The following BRAF variants were observed in gnomAD, a reference collection of about 807,000 sequenced individuals.
BRAF encodes the protein serine/threonine-protein kinase B-raf.
Under a neutral mutation model 104.6 loss-of-function variants are expected in BRAF, and 16 were observed. That is an observed-to-expected ratio of 0.15 (90% CI 0.10 to 0.23). BRAF has a LOEUF of 0.23. BRAF is among the 10% of genes least tolerant of loss of function. The pLI, the probability that BRAF is intolerant of heterozygous loss-of-function variation, is 1.00. For missense variants in BRAF, 541 were observed against 937.3 expected (o/e 0.58, Z 5.52); for synonymous variants, 310 against 341.6 (o/e 0.91, Z 1.02).
rs189135734 is a variant in BRAF at position 140,805,523 on chromosome 7, A to G, written c.711+2437T>C. Among the ~76,000 whole-genome samples, 16 of 152,258 alleles carry G rather than the reference A, an allele frequency of 1.1e-4. No homozygotes were observed. In the South Asian group the frequency reaches 1.4e-3, roughly 14 times the overall value. ...TGTCAATAAAGATGAGCACAGGAAG[A>G]TATATCTTTCTTTTGGGTCACAGCT... is the stretch of plus-strand genomic sequence containing the variant. On this transcript the variant is annotated intron_variant, in intron 5 of 19. Transcript: ENST00000644969.
intron 17 of BRAF, among the ~76,000 whole-genome samples, chr7:140,742,538 A>G (rs1198602121): frequency 6.6e-6 from 1 of 152,180 alleles, no homozygotes; most frequent in African/African-American, 2.4e-5. Context: ...CTATCAACTT[A>G]CTGGTATCCC....
intron 5 of BRAF, among the ~76,000 whole-genome samples, chr7:140,804,434 C>T (rs1438172295): frequency 6.6e-6 from 1 of 150,658 alleles, no homozygotes; most frequent in Non-Finnish European, 1.5e-5. Flanking sequence ...CTTTTAATTA[C>T]ATGATTGTAA....
chr7:140,769,828 GTCT>G (rs1232788657), intron 14 of BRAF, among the ~76,000 whole-genome samples: 2 of 152,118 alleles, frequency 1.3e-5, no homozygotes, highest in African/African-American at 2.4e-5. Context: ...TATTACCCTA[GTCT>G]TCCAAAGTGC....
At chr7:140,864,877 C>T (rs1469949898) in intron 1 of BRAF, among the ~76,000 whole-genome samples, 1 of 151,978 alleles carries the variant, frequency 6.6e-6, no homozygotes, top group African/African-American at 2.4e-5. Flanking sequence ...ATCTGAGTCA[C>T]AAGTAGAGAA....
rs10525418 is a variant in BRAF, at chr7:140,798,272, C to CTTTTTTTTTTTTTTTTTTTT, written c.980+2089_980+2090insAAAAAAAAAAAAAAAAAAAA. 4.3e-5 allele frequency among the ~76,000 whole-genome samples: 5 copies of CTTTTTTTTTTTTTTTTTTTT among 115,622 alleles called. 1 individual carries two copies. Among genetic ancestry groups the CTTTTTTTTTTTTTTTTTTTT allele is most frequent in the South Asian group, 2.6e-4 (1 of 3,914 alleles). The allele number at this position is 115,622 out of a possible 152,430, so 75.9% of individuals were successfully genotyped here. A position where few individuals can be genotyped will look rare whatever the true frequency, so the allele number is the denominator to read the frequency against. The stretch of plus-strand genomic sequence containing the variant: ...AATGCTGTATGGGGACTTTTTTTTT[C>CTTTTTTTTTTTTTTTTTTTT]TTTTTTTTGAGACGGAGTCTTGCTC... On this transcript the variant is annotated intron_variant, in intron 7 of 19. Transcript: ENST00000644969.
Position 140,723,987 on chromosome 7 carries a change from A to C in BRAF, c.*2507T>G. 3 of 1,042,016 alleles carry C rather than the reference A, an allele frequency of 2.9e-6. No homozygotes were observed. Among genetic ancestry groups the C allele is most frequent in the Non-Finnish European group, 3.5e-6 (3 of 864,380 alleles). 64.5% of individuals were successfully genotyped at this position (1,042,016 alleles called of 1,614,324 possible). ...AACCTATTTCATAGAAAAAGGAAGA[A>C]AAGAGAGGTTTAAATATTTTATTTT... is the stretch of plus-strand genomic sequence containing the variant. On this transcript the variant is annotated 3_prime_UTR_variant, in exon 20 of 20. Transcript: ENST00000644969.
At chr7:140,760,289 T>C (rs959954568) in intron 14 of BRAF, among the ~76,000 whole-genome samples, 2 of 152,086 alleles carry the variant, frequency 1.3e-5, no homozygotes, top group African/African-American at 4.8e-5. Flanking sequence ...GGTGTGCACC[T>C]GTAATCCCAG....
At chr7:140,866,273 T>C (rs912434637) in intron 1 of BRAF, among the ~76,000 whole-genome samples, 6 of 152,226 alleles carry the variant, frequency 3.9e-5, no homozygotes, top group Non-Finnish European at 8.8e-5. Flanking sequence ...GTACAACTCC[T>C]GGTCATAACT....
Position 140,729,245 on chromosome 7 carries a change from TACAC to T in BRAF, c.2402-2733_2402-2730del, listed in dbSNP as rs574079438. On this transcript the variant is annotated intron_variant, in intron 19 of 19. Transcript: ENST00000644969. ...ACCCTGTCTCGAAAACAAAACAAAA[TACAC>T]ACACACACGCACACAACTTCAGATG... Among the ~76,000 whole-genome samples, 553 of 151,236 alleles carry T rather than the reference TACAC, an allele frequency of 3.7e-3. 5 individuals are homozygous for T. The highest frequency in any genetic ancestry group is 0.013 in the African/African-American group (523 of 41,270).
At chr7:140,862,704 C>T (rs185171046) in intron 1 of BRAF, among the ~76,000 whole-genome samples, 33 of 151,988 alleles carry the variant, frequency 2.2e-4, no homozygotes, top group Middle Eastern at 3.4e-3. Context: ...TGACTTAAGG[C>T]TGGGGGGTGG....
chr7:140,787,470 G>A (rs1252013161), intron 9 of BRAF, 78 bp downstream of exon 9: 4 of 1,432,382 alleles, frequency 2.8e-6, no homozygotes, highest in Non-Finnish European at 3.9e-6. Flanking sequence ...ACTTGAAAGA[G>A]GCAAGTATAA....
In BRAF at chr7:140,720,722, G is replaced by C. The variant is rs1480064341; in HGVS notation, c.*5772C>G. ...CTGTGCCTACTCTGTGAGCTTTGTT[G>C]TTTATGCTAGTTTGCAGTGACTTCC... On this transcript the variant is annotated 3_prime_UTR_variant, in exon 20 of 20. Coordinates refer to ENST00000644969, the MANE Select transcript of BRAF (RefSeq NM_001374258.1). 20 of 1,065,632 alleles carry C rather than the reference G, an allele frequency of 1.9e-5. No homozygotes were observed. The highest frequency in any genetic ancestry group is 2.0e-5 in the Non-Finnish European group (18 of 879,602). The allele number at this position is 1,065,632 out of a possible 1,614,324, so 66.0% of individuals were successfully genotyped here.
At chr7:140,824,340 G>C (rs137857022) in intron 3 of BRAF, 144 of 152,246 alleles carry the variant, frequency 9.5e-4, no homozygotes, top group African/African-American at 3.4e-3. Context: ...TATAAGGGAA[G>C]GGTACCACTT....
intron 3 of BRAF, among the ~76,000 whole-genome samples, chr7:140,830,711 T>C (rs1466559274): frequency 6.6e-6 from 1 of 152,142 alleles, no homozygotes; most frequent in Non-Finnish European, 1.5e-5. Context: ...ATGATGAAGC[T>C]TCCATAAAAA....
At chr7:140,762,405 C>G (rs1020047199) in intron 14 of BRAF, among the ~76,000 whole-genome samples, 1 of 152,278 alleles carries the variant, frequency 6.6e-6, no homozygotes. Flanking sequence ...TAGAGGGACA[C>G]TTATAGCACT....
intron 3 of BRAF, among the ~76,000 whole-genome samples, chr7:140,815,766 A>G (rs994054934): frequency 2.6e-5 from 4 of 152,130 alleles, no homozygotes; most frequent in Non-Finnish European, 4.4e-5. Context: ...AGAAAAAAAA[A>G]TTGTTATGAT....
chr7:140,924,813 C>T lies in BRAF; in HGVS notation c.-110G>A. 1 of 382,912 alleles carries T rather than the reference C, an allele frequency of 2.6e-6. No homozygotes were observed. The highest frequency in any genetic ancestry group is 4.6e-6 in the Non-Finnish European group (1 of 216,196). 23.7% of individuals were successfully genotyped at this position (382,912 alleles called of 1,614,324 possible). ...GAGGCGGAGGCGGAGGAGCGGGGGG[C>T]GCGGGGGGCGCGGGGAGGAGCGGCC... On this transcript the variant is annotated 5_prime_UTR_variant, in exon 1 of 20. Coordinates refer to ENST00000644969, the MANE Select transcript of BRAF (RefSeq NM_001374258.1). This position sits in a 1 kb window ranked among gnomAD's most constrained non-coding sequence, Gnocchi z 4.2.
At chr7:140,869,057 A>T (rs1811277516) in intron 1 of BRAF, among the ~76,000 whole-genome samples, 1 of 152,228 alleles carries the variant, frequency 6.6e-6, no homozygotes, top group African/African-American at 2.4e-5. Flanking sequence ...AATCAAAAAG[A>T]ATGAAGAAGG....
At chr7:140,809,434 C>T (rs1051366363) in intron 3 of BRAF, among the ~76,000 whole-genome samples, 2 of 152,004 alleles carry the variant, frequency 1.3e-5, no homozygotes, top group African/African-American at 2.4e-5. Flanking sequence ...CTAAACATAG[C>T]GGGAAGAAAA....
Sources: allele counts gnomAD v4.1 joint callset (sites outside exome capture counted in the v4.1 genomes callset), GRCh38; gene constraint gnomAD v4.1.1; non-coding constraint Gnocchi (gnomAD v3.1); transcripts MANE v1.5; gene names NCBI Gene and HGNC (gene_info 2026-07-23, HGNC 2026-07-21).